The following HCN1 variants were observed in gnomAD, a reference collection of about 807,000 sequenced individuals.
HCN1 encodes the protein hyperpolarization activated cyclic nucleotide gated potassium channel 1.
In HCN1, 13 loss-of-function variants were observed where a neutral mutation model predicts 78.9. The ratio of observed to expected loss-of-function variants is 0.16; its 90% confidence interval spans 0.11 to 0.26. The LOEUF (loss-of-function observed/expected upper bound fraction) is 0.26, where lower values mean the gene tolerates loss of function less well. Among genes scored for constraint, HCN1 ranks in the 10% least tolerant of loss-of-function variants. The probability of loss-of-function intolerance (pLI) is 1.00; values close to 1 mark genes in which losing one functional copy is unlikely to be tolerated. For synonymous variants in HCN1, 552 were observed against 455.5 expected, an observed-to-expected ratio of 1.21 and a Z score of -2.70; for missense variants, 810 against 1,154.3, an observed-to-expected ratio of 0.70 and a Z score of 4.32.
At chr5:45,399,437 G>C (rs1288256836) in intron 3 of HCN1, among the ~76,000 whole-genome samples, 1 of 152,184 alleles carries the variant, frequency 6.6e-6, no homozygotes, top group Non-Finnish European at 1.5e-5. Context: ...GTTTCAAGAT[G>C]GCAGGAGCAG....
Position 45,468,854 on chromosome 5 carries a change from G to A in HCN1, c.850-6847C>T, listed in dbSNP as rs556433540. 1.3e-4 allele frequency among the ~76,000 whole-genome samples: 20 copies of A among 152,154 alleles called. 2 individuals carry two copies. In the South Asian group the frequency reaches 1.7e-3, roughly 13 times the overall value. ...CACAATGCCTGGTGGCACAGAGCTC[G>A]TGCTCAACAAATGTTTTTCCTCCTA... On this transcript the variant is annotated intron_variant, in intron 2 of 7. Coordinates refer to ENST00000303230, the MANE Select transcript of HCN1 (RefSeq NM_021072.4).
At chr5:45,440,590 C>A (rs1161698706) in intron 3 of HCN1, among the ~76,000 whole-genome samples, 1 of 152,118 alleles carries the variant, frequency 6.6e-6, no homozygotes, top group Non-Finnish European at 1.5e-5. Context: ...TCCTTGCTAA[C>A]CCTGACTAGT....
rs771250280 is a variant in HCN1 at position 45,262,775 on chromosome 5, T to C, written c.1819A>G (p.Lys607Glu). 1.2e-6 allele frequency: 2 copies of C among 1,614,090 alleles called. No homozygotes were observed. Among genetic ancestry groups the C allele is most frequent in the South Asian group, 2.2e-5 (2 of 91,070 alleles). The change falls in exon 8 of 8, where the codon AAG (lysine) becomes GAG (glutamate). Residue 607 changes from lysine to glutamate, a missense_variant. This residue lies in a region of HCN1 where 398 missense variants were observed against 381.3 expected (regional missense o/e 1.04). Transcript: ENST00000303230. ...KNSILLQKFQ[K>E]DLNTGVFNNQ... is the part of the protein sequence containing the mutation. ...TTGAAAACACCAGTGTTCAGATCCT[T>C]CTGGAACTTTTGCAGAAGAATTGAA... is the stretch of plus-strand genomic sequence containing the variant.
intron 2 of HCN1, among the ~76,000 whole-genome samples, chr5:45,582,686 A>G (rs543921886): frequency 3.9e-5 from 6 of 152,260 alleles, no homozygotes; most frequent in Admixed American, 3.9e-4. Context: ...TTATTTTGAG[A>G]TACGTCCCAT....
intron 3 of HCN1, among the ~76,000 whole-genome samples, chr5:45,434,146 G>T (rs1740518685): frequency 6.6e-6 from 1 of 152,168 alleles, no homozygotes; most frequent in African/African-American, 2.4e-5. Context: ...ACAATAAAAT[G>T]AATTTTAAGT....
intron 3 of HCN1, among the ~76,000 whole-genome samples, chr5:45,438,892 T>C (rs998363482): frequency 2.6e-5 from 4 of 152,182 alleles, no homozygotes; most frequent in Non-Finnish European, 4.4e-5. Context: ...CTAATATGTT[T>C]CTACTAGCCC....
intron 2 of HCN1, among the ~76,000 whole-genome samples, chr5:45,617,889 C>T (rs1231274658): frequency 1.3e-5 from 2 of 151,966 alleles, no homozygotes; most frequent in Admixed American, 6.6e-5. Context: ...ATAGCTTTTC[C>T]CTCCCCAACC....
chr5:45,591,469 G>C (rs1052889137), intron 2 of HCN1, among the ~76,000 whole-genome samples: 1 of 152,102 alleles, frequency 6.6e-6, no homozygotes, highest in Non-Finnish European at 1.5e-5. Context: ...CATTCTCATA[G>C]ATGTATAGTG....
chr5:45,416,038 A>G (rs1740113396), intron 3 of HCN1, among the ~76,000 whole-genome samples: 1 of 152,040 alleles, frequency 6.6e-6, no homozygotes, highest in African/African-American at 2.4e-5. Flanking sequence ...TATGGTTGAA[A>G]TGTGAACTTT....
intron 5 of HCN1, among the ~76,000 whole-genome samples, chr5:45,351,801 G>T (rs1746909602): frequency 6.6e-6 from 1 of 151,502 alleles, no homozygotes; most frequent in Admixed American, 6.6e-5. Flanking sequence ...GGCCATCAGA[G>T]AAATGCAAAT....
intron 2 of HCN1, among the ~76,000 whole-genome samples, chr5:45,543,899 A>G (rs1460794015): frequency 6.6e-6 from 1 of 152,058 alleles, no homozygotes; most frequent in East Asian, 1.9e-4. Context: ...TTTTTATTTC[A>G]CGAATATGAT....
At chr5:45,580,725 T>A (rs1054628685) in intron 2 of HCN1, among the ~76,000 whole-genome samples, 2 of 152,046 alleles carry the variant, frequency 1.3e-5, no homozygotes, top group African/African-American at 4.8e-5. Flanking sequence ...TGTGTTATGT[T>A]CCTCTTCCTG....
chr5:45,588,910 T>C (rs1744297986), intron 2 of HCN1, among the ~76,000 whole-genome samples: 1 of 152,214 alleles, frequency 6.6e-6, no homozygotes, highest in Non-Finnish European at 1.5e-5. Flanking sequence ...GTTATAACAG[T>C]TAGACAAGGC....
rs1267368164 is a variant in HCN1, at chr5:45,257,857, C to T, written c.*4064G>A. 2 of 152,042 alleles carry T rather than the reference C, an allele frequency of 1.3e-5. No homozygotes were observed. Among genetic ancestry groups the T allele is most frequent in the Non-Finnish European group, 2.9e-5 (2 of 68,026 alleles). 9.4% of individuals were successfully genotyped at this position (152,042 alleles called of 1,614,324 possible). ...TGCTACAATTTGGTGCATGCAGCAACCACAGTTCCTTAAATTTTTGGCCAT... is the reference window on the plus strand; with the variant it reads ...TGCTACAATTTGGTGCATGCAGCAATCACAGTTCCTTAAATTTTTGGCCAT... On this transcript the variant is annotated 3_prime_UTR_variant, in exon 8 of 8. Transcript: ENST00000303230.
chr5:45,310,709 C>A (rs1019035739), intron 5 of HCN1, among the ~76,000 whole-genome samples: 3 of 152,068 alleles, frequency 2.0e-5, no homozygotes, highest in Non-Finnish European at 2.9e-5. Context: ...TAAAGACATG[C>A]ATGCATATGT....
chr5:45,549,513 C>T (rs1463136631), intron 2 of HCN1, among the ~76,000 whole-genome samples: 1 of 152,206 alleles, frequency 6.6e-6, no homozygotes, highest in South Asian at 2.1e-4. Flanking sequence ...GGATTAAAGA[C>T]TCAAATGTTA....
Position 45,375,755 on chromosome 5 carries a change from C to A in HCN1, c.1230+20737G>T, listed in dbSNP as rs12517596. Among the ~76,000 whole-genome samples, 565 of 78,956 alleles carry A rather than the reference C, an allele frequency of 7.2e-3. 63 individuals are homozygous for A. Among genetic ancestry groups the A allele is most frequent in the African/African-American group, 0.02 (287 of 14,678 alleles). The allele number at this position is 78,956 out of a possible 152,430, so 51.8% of individuals were successfully genotyped here. ...TTATGATATATCTTATATATAATAT[C>A]ATATTTTATGATATATCTTATATAT... is the stretch of plus-strand genomic sequence containing the variant. On this transcript the variant is annotated intron_variant, in intron 4 of 7. Coordinates refer to ENST00000303230, the MANE Select transcript of HCN1 (RefSeq NM_021072.4).
In HCN1 at chr5:45,305,459, C is replaced by A. The variant is rs145332867; in HGVS notation, c.1378-1620G>T. ...AACAATAATCAGAAAGTGAACCTAGCAGCAAAGACAAGAGAAAGATATTAC... is the reference window on the plus strand; with the variant it reads ...AACAATAATCAGAAAGTGAACCTAGAAGCAAAGACAAGAGAAAGATATTAC... On this transcript the variant is annotated intron_variant, in intron 5 of 7. Coordinates refer to ENST00000303230, the MANE Select transcript of HCN1 (RefSeq NM_021072.4). Among the ~76,000 whole-genome samples, 922 of 152,168 alleles carry A rather than the reference C, an allele frequency of 6.1e-3. 3 individuals are homozygous for A. The Middle Eastern group carries it at 0.061, about 10-fold the overall frequency.
intron 3 of HCN1, among the ~76,000 whole-genome samples, chr5:45,447,774 G>A (rs1740829851): frequency 6.6e-6 from 1 of 152,016 alleles, no homozygotes; most frequent in Non-Finnish European, 1.5e-5. Context: ...AAGTACATAT[G>A]CTAGTCCTAA....
Sources: allele counts gnomAD v4.1 joint callset (sites outside exome capture counted in the v4.1 genomes callset), GRCh38; gene constraint gnomAD v4.1.1; regional missense constraint gnomAD v4.1.1; transcripts MANE v1.5; gene names NCBI Gene and HGNC (gene_info 2026-07-23, HGNC 2026-07-21).